SCOC: variants seen among roughly 807,000 people sequenced by gnomAD.
SCOC encodes short coiled-coil protein.
SCOC carries 7 observed loss-of-function variants against 9.9 expected under a neutral mutation model. The ratio of observed to expected loss-of-function variants is 0.71; its 90% CI spans 0.40 to 1.33. The LOEUF is 1.33. Among genes scored for constraint, SCOC ranks in the 40% most tolerant of loss-of-function variants. SCOC has a pLI of 0.01. For synonymous variants in SCOC, 19 were observed against 28.2 expected, an observed-to-expected ratio of 0.67 and a Z score of 1.03; for missense variants, 66 against 89.7, an observed-to-expected ratio of 0.74 and a Z score of 1.07.
chr4:140,372,704 T>TA (rs937264568), upstream of SCOC, among the ~76,000 whole-genome samples: 25 of 152,124 alleles, frequency 1.6e-4, no homozygotes, highest in Non-Finnish European at 2.8e-4. Flanking sequence ...GTGCCAGAAG[T>TA]AAAAAGTCAA....
chr4:140,301,746 C>T (rs1731816787), intron 1 of SCOC, among the ~76,000 whole-genome samples: 1 of 152,210 alleles, frequency 6.6e-6, no homozygotes, highest in Non-Finnish European at 1.5e-5. Flanking sequence ...ACATTTTCCA[C>T]GCACTGTTTC....
chr4:140,368,478 A>G (rs1445984614), intron 2 of SCOC, among the ~76,000 whole-genome samples: 1 of 152,222 alleles, frequency 6.6e-6, no homozygotes, highest in Non-Finnish European at 1.5e-5. Flanking sequence ...TGAAAATACT[A>G]TCTAGAGAAA....
chr4:140,335,436 T>C (rs1732930854), intron 1 of SCOC, among the ~76,000 whole-genome samples: 1 of 152,252 alleles, frequency 6.6e-6, no homozygotes, highest in South Asian at 2.1e-4. Flanking sequence ...TAGCTATATA[T>C]AATGAAAATA....
At chr4:140,292,253 ATCTTGGC>A (rs1560686495) in intron 1 of SCOC, among the ~76,000 whole-genome samples, 1 of 147,898 alleles carries the variant, frequency 6.8e-6, no homozygotes, top group Non-Finnish European at 1.5e-5. Flanking sequence ...CAGTAGCATG[ATCTTGGC>A]TCACTGCAAA....
chr4:140,335,377 A>C (rs1732929574), intron 1 of SCOC, among the ~76,000 whole-genome samples: 1 of 152,208 alleles, frequency 6.6e-6, no homozygotes, highest in Non-Finnish European at 1.5e-5. Context: ...AACACTGAGA[A>C]TAGTTCTGAA....
chr4:140,296,521 G>C (rs950681008), intron 1 of SCOC, among the ~76,000 whole-genome samples: 4 of 152,256 alleles, frequency 2.6e-5, no homozygotes, highest in Middle Eastern at 3.4e-3. Flanking sequence ...CCCACAGACT[G>C]ACTCATCCCT....
intron 2 of SCOC, among the ~76,000 whole-genome samples, chr4:140,356,788 T>C (rs557107267): frequency 6.6e-6 from 1 of 152,292 alleles, no homozygotes; most frequent in South Asian, 2.1e-4. Flanking sequence ...AATTAGCACG[T>C]ATTTTAGAGG....
At chr4:140,379,326 A>T in intron 2 of SCOC, 134 bp downstream of exon 2, 6 of 736,742 alleles carry the variant, frequency 8.1e-6, no homozygotes, top group Non-Finnish European at 1.4e-5. Flanking sequence ...TATCTCATCT[A>T]GTGTTAGAAA....
intron 1 of SCOC, among the ~76,000 whole-genome samples, chr4:140,319,084 C>G (rs1244594176): frequency 6.6e-6 from 1 of 152,094 alleles, no homozygotes; most frequent in Non-Finnish European, 1.5e-5. Flanking sequence ...CTTCTGGAAA[C>G]AAAACCCAGA....
upstream of SCOC, among the ~76,000 whole-genome samples, chr4:140,371,209 T>C (rs548143793): frequency 3.3e-5 from 5 of 152,254 alleles, no homozygotes; most frequent in East Asian, 7.7e-4. Flanking sequence ...TTTGAGAGTT[T>C]TACTATATTC....
chr4:140,373,528 G>A (rs1283828450), upstream of SCOC: 6 of 1,551,706 alleles, frequency 3.9e-6, no homozygotes, highest in Non-Finnish European at 3.5e-6. Flanking sequence ...GGGGTGAGGC[G>A]GGCAGCTAAT....
At chr4:140,264,062 C>A (rs943174887) in intron 1 of SCOC, among the ~76,000 whole-genome samples, 4 of 152,062 alleles carry the variant, frequency 2.6e-5, no homozygotes, top group African/African-American at 7.2e-5. Flanking sequence ...TGCAGTGGTA[C>A]AATCACTGTT....
At chr4:140,352,621 A>T (rs1442098932) in intron 2 of SCOC, among the ~76,000 whole-genome samples, 1 of 152,264 alleles carries the variant, frequency 6.6e-6, no homozygotes, top group Non-Finnish European at 1.5e-5. Flanking sequence ...ATGATCTAGC[A>T]TAAAGCAAAA....
intron 1 of SCOC, among the ~76,000 whole-genome samples, chr4:140,280,265 G>A (rs1468506306): frequency 1.3e-5 from 2 of 152,032 alleles, no homozygotes; most frequent in Non-Finnish European, 2.9e-5. Flanking sequence ...ACAGGCATGC[G>A]CTAGCATGCC....
At chr4:140,345,533 T>G (rs1726698303) in intron 2 of SCOC, among the ~76,000 whole-genome samples, 1 of 152,230 alleles carries the variant, frequency 6.6e-6, no homozygotes, top group Non-Finnish European at 1.5e-5. Flanking sequence ...AATAAAACGT[T>G]CTTGGGCTTT....
At chr4:140,261,594 T>C (rs1578750756) in intron 1 of SCOC, among the ~76,000 whole-genome samples, 1 of 152,240 alleles carries the variant, frequency 6.6e-6, no homozygotes, top group East Asian at 1.9e-4. Context: ...AGGCACTTGC[T>C]AAATGATGTG....
intron 2 of SCOC, among the ~76,000 whole-genome samples, chr4:140,367,689 T>A (rs767923860): frequency 2.0e-5 from 3 of 152,238 alleles, no homozygotes; most frequent in Non-Finnish European, 4.4e-5. Flanking sequence ...AAAGCCAGAT[T>A]ATTTTTATAA....
Position 140,382,885 on chromosome 4 carries a change from A to G in SCOC, c.*1781A>G, listed in dbSNP as rs1450084402. The G allele has an allele frequency of 4.6e-5, 7 of 152,252 alleles. No individual in the cohort carries two copies. Among genetic ancestry groups the G allele is most frequent in the Non-Finnish European group, 7.3e-5 (5 of 68,044 alleles). 9.4% of individuals were successfully genotyped at this position (152,252 alleles called of 1,614,324 possible). ...TATAAATATAGAAGTTTCTCTCCCA[A>G]CCAGTGGTTCCAAGGTCAGCATTGC... On this transcript the variant is annotated 3_prime_UTR_variant, in exon 4 of 4. Transcript: ENST00000608372.
At position 140,304,911 on chromosome 4, in the gene SCOC, G is replaced by T. The variant is rs561733352; in HGVS notation, c.-18-38710G>T. ...CTATCTGGTGGACCCCATCTTCTCA[G>T]AATGATGTAGACACGTGTTCTAGCC... On this transcript the variant is annotated intron_variant, in intron 1 of 4. Coordinates refer to the SCOC transcript ENST00000394205. 1.9e-4 allele frequency among the ~76,000 whole-genome samples: 29 copies of T among 152,284 alleles called. 1 individual carries two copies. The East Asian group carries it at 2.5e-3, about 13-fold the overall frequency.
Sources: gnomAD v4.1 joint callset for allele counts (sites outside exome capture counted in the v4.1 genomes callset) on GRCh38, gnomAD v4.1.1 for gene constraint, MANE v1.5 for transcripts, NCBI Gene and HGNC (gene_info 2026-07-23, HGNC 2026-07-21) for gene names.